FAM114A2: variants seen among roughly 807,000 people sequenced by gnomAD.
FAM114A2 encodes the protein family with sequence similarity 114 member A2, also known as protein FAM114A2.
Under a neutral mutation model 58.4 loss-of-function variants are expected in FAM114A2, and 53 were observed. The ratio of observed to expected loss-of-function variants is 0.91; its 90% CI spans 0.73 to 1.14. The LOEUF (loss-of-function observed/expected upper bound fraction) is 1.14, where lower values mean the gene tolerates loss of function less well. FAM114A2 is among the 50% of genes most tolerant of loss of function. The pLI is 0.00. For synonymous variants in FAM114A2, 228 were observed against 211.4 expected, an observed-to-expected ratio of 1.08 and a Z score of -0.68; for missense variants, 601 against 581.1, an observed-to-expected ratio of 1.03 and a Z score of -0.35.
At chr5:154,011,460 G>A (rs754107716) in intron 8 of FAM114A2, 140 bp from the exon 9 acceptor site, 25 of 604,074 alleles carry the variant, frequency 4.1e-5, no homozygotes, top group Admixed American at 9.0e-5. Flanking sequence ...TAATGTACAT[G>A]AGCATGGTGC....
intron 8 of FAM114A2, 98 bp from the exon 9 acceptor site, chr5:154,011,418 G>A (rs1312514047): frequency 1.4e-6 from 1 of 721,802 alleles, no homozygotes; most frequent in African/African-American, 1.8e-5. Flanking sequence ...TAATAGCAGT[G>A]ACAGTAGTAG....
intron 8 of FAM114A2, among the ~76,000 whole-genome samples, chr5:154,016,143 T>C (rs939696687): frequency 6.6e-6 from 1 of 152,076 alleles, no homozygotes. Flanking sequence ...AACCTAAGAA[T>C]AATCAGCATT....
chr5:154,019,026 C>T (rs1286737598), intron 8 of FAM114A2, among the ~76,000 whole-genome samples: 2 of 152,120 alleles, frequency 1.3e-5, no homozygotes, highest in East Asian at 3.9e-4. Flanking sequence ...TCTCACCACT[C>T]CTCTTCAACA....
rs113960657 is a variant in FAM114A2 at position 154,021,204 on chromosome 5, A to C, written c.913+5195T>G. ...CAGCCAGTATCATACTGAATGGGCA[A>C]AAACTGGAAGCATTCCCTTTGAAAA... is the stretch of plus-strand genomic sequence containing the variant. On this transcript the variant is annotated intron_variant, in intron 8 of 13. Coordinates refer to ENST00000351797, the MANE Select transcript of FAM114A2 (RefSeq NM_018691.4). 2.0e-3 allele frequency among the ~76,000 whole-genome samples: 311 copies of C among 152,336 alleles called. 1 individual carries two copies. Among genetic ancestry groups the C allele is most frequent in the African/African-American group, 7.3e-3 (302 of 41,574 alleles).
intron 9 of FAM114A2, among the ~76,000 whole-genome samples, chr5:154,010,793 A>G (rs1178549719): frequency 6.6e-6 from 1 of 152,178 alleles, no homozygotes; most frequent in Non-Finnish European, 1.5e-5. Context: ...TCATTTCCAC[A>G]CGCCAAATAG....
At chr5:153,993,805 AAAT>A (rs1183991223) in intron 13 of FAM114A2, among the ~76,000 whole-genome samples, 4 of 152,184 alleles carry the variant, frequency 2.6e-5, no homozygotes, top group African/African-American at 7.2e-5. Context: ...AATCCACTAA[AAAT>A]AATAGGGAGC....
intron 11 of FAM114A2, 96 bp from the exon 12 acceptor site, chr5:153,997,971 A>G: frequency 1.4e-6 from 1 of 723,678 alleles, no homozygotes; most frequent in Non-Finnish European, 2.4e-6. Context: ...CACTTCTGGT[A>G]CTAAATGTGA....
chr5:153,996,855 G>A (rs1769594069), intron 12 of FAM114A2, among the ~76,000 whole-genome samples: 1 of 151,888 alleles, frequency 6.6e-6, no homozygotes, highest in African/African-American at 2.4e-5. Context: ...AAATTGGCTG[G>A]GCATGGTGGC....
chr5:154,006,177 T>C (rs1312505957), intron 9 of FAM114A2, among the ~76,000 whole-genome samples: 1 of 152,150 alleles, frequency 6.6e-6, no homozygotes, highest in Non-Finnish European at 1.5e-5. Flanking sequence ...AAGACCAAAA[T>C]ATAGGATACT....
At chr5:154,027,439 T>TG in intron 6 of FAM114A2, 105 bp from the exon 7 acceptor site, 1 of 868,368 alleles carries the variant, frequency 1.2e-6, no homozygotes, top group Non-Finnish European at 1.7e-6. Flanking sequence ...GTACAGAGGA[T>TG]TGCCCTTTCA....
intron 13 of FAM114A2, among the ~76,000 whole-genome samples, chr5:153,994,263 T>C (rs1305123597): frequency 6.6e-6 from 1 of 152,160 alleles, no homozygotes; most frequent in Non-Finnish European, 1.5e-5. Flanking sequence ...ATCAAATATA[T>C]TTTCTCCCCC....
chr5:154,012,875 A>G (rs1357136114), intron 8 of FAM114A2, among the ~76,000 whole-genome samples: 2 of 152,166 alleles, frequency 1.3e-5, no homozygotes, highest in Non-Finnish European at 2.9e-5. Flanking sequence ...AAATAATTCA[A>G]TGGAGGGCAG....
intron 8 of FAM114A2, among the ~76,000 whole-genome samples, chr5:154,016,444 G>T (rs1266345082): frequency 6.6e-6 from 1 of 152,134 alleles, no homozygotes; most frequent in Non-Finnish European, 1.5e-5. Flanking sequence ...AGCTAGAAGG[G>T]ATTGGGGCCC....
intron 8 of FAM114A2, among the ~76,000 whole-genome samples, chr5:154,012,488 G>C (rs946504843): frequency 2.0e-5 from 3 of 152,204 alleles, no homozygotes; most frequent in African/African-American, 7.2e-5. Flanking sequence ...TCTATTTACA[G>C]TCTATAGAAT....
At chr5:153,994,413 T>C (rs1769430663) in intron 13 of FAM114A2, among the ~76,000 whole-genome samples, 2 of 152,198 alleles carry the variant, frequency 1.3e-5, no homozygotes, top group African/African-American at 4.8e-5. Context: ...CACAGGATCC[T>C]CTTTTCCATT....
chr5:154,033,725 G>A, intron 4 of FAM114A2, 66 bp downstream of exon 4: 1 of 951,870 alleles, frequency 1.1e-6, no homozygotes, highest in Non-Finnish European at 1.7e-6. Flanking sequence ...AATACCTACT[G>A]AAAAATTAGT....
chr5:153,997,773 A>T (rs1164857746), intron 12 of FAM114A2, 30 bp downstream of exon 12: 1 of 1,292,336 alleles, frequency 7.7e-7, no homozygotes, highest in East Asian at 2.3e-5. Flanking sequence ...CCAGACAAAC[A>T]TTATTGCAGT....
chr5:154,001,132 T>C (rs1028369162), intron 11 of FAM114A2, among the ~76,000 whole-genome samples: 2 of 152,198 alleles, frequency 1.3e-5, no homozygotes, highest in Admixed American at 6.5e-5. Context: ...GGATTTCAAC[T>C]TACTTGCTAA....
At chr5:154,012,705 CACTA>C (rs1244750922) in intron 8 of FAM114A2, among the ~76,000 whole-genome samples, 3 of 152,158 alleles carry the variant, frequency 2.0e-5, no homozygotes, top group African/African-American at 4.8e-5. Context: ...AAGCTGATCT[CACTA>C]ACTGATACAA....
Sources: gnomAD v4.1 joint callset for allele counts (sites outside exome capture counted in the v4.1 genomes callset) on GRCh38, gnomAD v4.1.1 for gene constraint, MANE v1.5 for transcripts, NCBI Gene and HGNC (gene_info 2026-07-23, HGNC 2026-07-21) for gene names.